Variants in UBE3D observed in about 807,000 individuals in gnomAD.
UBE3D encodes the protein E3 ubiquitin-protein ligase E3D.
Under a neutral mutation model 49.6 loss-of-function variants are expected in UBE3D, and 48 were observed. The ratio of observed to expected loss-of-function variants is 0.97; its 90% confidence interval spans 0.77 to 1.23. The LOEUF is 1.23. Among genes scored for constraint, UBE3D ranks in the 50% most tolerant of loss-of-function variants. The probability of loss-of-function intolerance (pLI) is 0.00; values close to 1 mark genes in which losing one functional copy is unlikely to be tolerated. For missense variants in UBE3D, 452 were observed against 468.4 expected, an observed-to-expected ratio of 0.96 and a Z score of 0.32; for synonymous variants, 189 against 174.2, an observed-to-expected ratio of 1.08 and a Z score of -0.67.
At position 82,967,189 on chromosome 6, in the gene UBE3D, T is replaced by C. The variant is rs7746556; in HGVS notation, c.1011-9739A>G. Among the ~76,000 whole-genome samples, 997 of 152,314 alleles carry C rather than the reference T, an allele frequency of 6.5e-3. 10 individuals carry two copies. The highest frequency in any genetic ancestry group is 0.023 in the African/African-American group (947 of 41,574). ...AGATAATTGTAGAGTCACATGCATTTGTAAGAAATACAGAGATGCTGTCTA... is the reference window on the plus strand; with the variant it reads ...AGATAATTGTAGAGTCACATGCATTCGTAAGAAATACAGAGATGCTGTCTA... On this transcript the variant is annotated intron_variant, in intron 8 of 9. Transcript: ENST00000369747.
chr6:82,925,353 G>A lies in UBE3D; in HGVS notation c.1149+31959C>T, dbSNP rs1773669351. ...TGCCTACACAGCACTTTTTCAAAAT[G>A]TCTGAGGAATTTCCTTCCTTACTGA... On this transcript the variant is annotated intron_variant, in intron 9 of 9. Coordinates refer to ENST00000369747, the MANE Select transcript of UBE3D (RefSeq NM_198920.3). Among the ~76,000 whole-genome samples the A allele has an allele frequency of 2.0e-5, 3 of 152,134 alleles. No individual in the cohort carries two copies. In the South Asian group the frequency reaches 6.2e-4, roughly 32 times the overall value.
At chr6:82,984,432 T>C (rs1220997642) in intron 8 of UBE3D, among the ~76,000 whole-genome samples, 1 of 152,184 alleles carries the variant, frequency 6.6e-6, no homozygotes, top group Non-Finnish European at 1.5e-5. Flanking sequence ...AGAAATGGAA[T>C]TGCTCCATCA....
the UBE3D span, among the ~76,000 whole-genome samples, chr6:82,886,223 A>G: frequency 6.6e-6 from 1 of 152,154 alleles, no homozygotes; most frequent in Non-Finnish European, 1.5e-5. Context: ...GGCACCAGGG[A>G]CTGGTTTTGT....
intron 9 of UBE3D, among the ~76,000 whole-genome samples, chr6:82,937,707 A>G (rs922089301): frequency 6.6e-6 from 1 of 152,240 alleles, no homozygotes; most frequent in Non-Finnish European, 1.5e-5. Flanking sequence ...TAAAAGGGGA[A>G]GCCGAAAGTG....
At chr6:82,930,137 C>T (rs1213507968) in intron 9 of UBE3D, among the ~76,000 whole-genome samples, 4 of 152,034 alleles carry the variant, frequency 2.6e-5, no homozygotes, top group South Asian at 2.1e-4. Flanking sequence ...GTTTTATAAG[C>T]GGCTTCTCCC....
intron 8 of UBE3D, among the ~76,000 whole-genome samples, chr6:82,985,294 C>G (rs1295426329): frequency 6.6e-6 from 1 of 152,088 alleles, no homozygotes; most frequent in Non-Finnish European, 1.5e-5. Flanking sequence ...GTTTTCCCCA[C>G]TCCAAGGTAA....
chr6:83,059,599 C>T (rs530919531), intron 1 of UBE3D, among the ~76,000 whole-genome samples: 68 of 152,342 alleles, frequency 4.5e-4, no homozygotes, highest in African/African-American at 1.5e-3. Context: ...TCCTAAGTCC[C>T]CATTGCCACC....
chr6:83,031,593 T>C (rs1158226063), intron 5 of UBE3D, among the ~76,000 whole-genome samples: 1 of 152,194 alleles, frequency 6.6e-6, no homozygotes, highest in Non-Finnish European at 1.5e-5. Context: ...CGGACTTCCA[T>C]GGGGCGTTAC....
chr6:82,937,624 T>C (rs1774681456), intron 9 of UBE3D, among the ~76,000 whole-genome samples: 1 of 151,988 alleles, frequency 6.6e-6, no homozygotes, highest in South Asian at 2.1e-4. Flanking sequence ...ATAAGTAAAA[T>C]ACAAAGACAA....
At chr6:83,028,540 T>A (rs1781644185) in intron 5 of UBE3D, among the ~76,000 whole-genome samples, 1 of 152,160 alleles carries the variant, frequency 6.6e-6, no homozygotes, top group South Asian at 2.1e-4. Context: ...TCTCCTATTT[T>A]TGTGAGGTTC....
At chr6:83,023,718 T>A (rs1781259314) in intron 6 of UBE3D, among the ~76,000 whole-genome samples, 1 of 152,092 alleles carries the variant, frequency 6.6e-6, no homozygotes. Flanking sequence ...TACAATGGAC[T>A]TTGAGGACTT....
chr6:82,882,759 C>T, the UBE3D span, among the ~76,000 whole-genome samples: 1 of 152,102 alleles, frequency 6.6e-6, no homozygotes, highest in Non-Finnish European at 1.5e-5. Context: ...TAGAACAGTT[C>T]CTATAGCAAT....
the UBE3D span, among the ~76,000 whole-genome samples, chr6:82,887,389 G>GTTTTTGTT: frequency 6.1e-5 from 6 of 98,328 alleles, no homozygotes; most frequent in African/African-American, 3.0e-4. Flanking sequence ...GACAGTAACA[G>GTTTTTGTT]TTTTTTTTTT....
intron 9 of UBE3D, among the ~76,000 whole-genome samples, chr6:82,924,316 G>A (rs1020906889): frequency 2.0e-5 from 3 of 152,104 alleles, no homozygotes; most frequent in Non-Finnish European, 4.4e-5. Flanking sequence ...GAACGTTTTA[G>A]AGAATAATTA....
At chr6:82,949,401 A>G (rs2127764484) in intron 9 of UBE3D, among the ~76,000 whole-genome samples, 1 of 152,270 alleles carries the variant, frequency 6.6e-6, no homozygotes, top group East Asian at 1.9e-4. Flanking sequence ...TTTCATGTTC[A>G]TGGACTGGAA....
chr6:83,016,364 G>C (rs1300515815), intron 8 of UBE3D, among the ~76,000 whole-genome samples: 1 of 152,132 alleles, frequency 6.6e-6, no homozygotes, highest in Non-Finnish European at 1.5e-5. Context: ...AGTGTCAAAT[G>C]TATGTATTTT....
chr6:83,065,768 C>A lies in UBE3D; in HGVS notation c.-50G>T. The A allele has an allele frequency of 1.9e-6, 3 of 1,553,290 alleles. No individual in the cohort carries two copies. Among genetic ancestry groups the A allele is most frequent in the Non-Finnish European group, 2.6e-6 (3 of 1,141,658 alleles). ...ACCAAGCTGGAGGTTCCGAGGGGCC[C>A]GGGTCAACAGGACCAGGAGAGGTTC... On this transcript the variant is annotated 5_prime_UTR_variant, in exon 1 of 10. Coordinates refer to ENST00000369747, the MANE Select transcript of UBE3D (RefSeq NM_198920.3).
intron 8 of UBE3D, among the ~76,000 whole-genome samples, chr6:83,001,083 A>G (rs112423194): frequency 0.024 from 3,653 of 152,190 alleles, 158 homozygotes; most frequent in African/African-American, 0.083. Context: ...ACCTCAGGTG[A>G]TCTGCCAGCG....
chr6:82,950,187 T>C (rs1775685750), intron 9 of UBE3D, among the ~76,000 whole-genome samples: 1 of 152,056 alleles, frequency 6.6e-6, no homozygotes, highest in Non-Finnish European at 1.5e-5. Flanking sequence ...AATCAACTGA[T>C]TAAAAAATGG....
Sources: gnomAD v4.1 joint callset for allele counts (sites outside exome capture counted in the v4.1 genomes callset) on GRCh38, gnomAD v4.1.1 for gene constraint, MANE v1.5 for transcripts, NCBI Gene and HGNC (gene_info 2026-07-23, HGNC 2026-07-21) for gene names.